The following ADAMTS16 variants were observed in gnomAD, a reference collection of about 807,000 sequenced individuals.
ADAMTS16 encodes the protein ADAM metallopeptidase with thrombospondin type 1 motif 16.
A neutral mutation model predicts 145.8 loss-of-function variants in ADAMTS16; 94 were observed. That is an observed-to-expected ratio of 0.64 (90% CI 0.55 to 0.77). The LOEUF is 0.77. Ranked by LOEUF, ADAMTS16 falls within the 30% of genes least tolerant of loss-of-function variation. The pLI, the probability that ADAMTS16 is intolerant of heterozygous loss-of-function variation, is 0.00. For synonymous variants in ADAMTS16, 659 were observed against 604.3 expected, an observed-to-expected ratio of 1.09 and a Z score of -1.33; for missense variants, 1,585 against 1,591.5, an observed-to-expected ratio of 1.00 and a Z score of 0.07.
At chr5:5,156,039 C>T (rs543574327) in intron 3 of ADAMTS16, among the ~76,000 whole-genome samples, 2 of 152,298 alleles carry the variant, frequency 1.3e-5, no homozygotes, top group African/African-American at 4.8e-5. Context: ...GAGGCGTAGA[C>T]AGTCCGCAGG....
chr5:5,309,529 G>T (rs888925730), intron 21 of ADAMTS16, among the ~76,000 whole-genome samples: 1 of 152,140 alleles, frequency 6.6e-6, no homozygotes, highest in Non-Finnish European at 1.5e-5. Flanking sequence ...CAATGAGCGG[G>T]TCCCGGCAGC....
rs760161948 is a variant in ADAMTS16, at chr5:5,182,122, G to T, written c.580G>T (p.Ala194Ser). Residue 194 changes from alanine (A) to serine (S), a missense_variant, in exon 4 of 23, where the codon GCT becomes TCT. By Grantham distance (99) the Ala-to-Ser change is moderately conservative. Coordinates refer to ENST00000274181, the MANE Select transcript of ADAMTS16 (RefSeq NM_139056.4). ...PSHLSWKLGR[A>S]AQGSSPSHVL... is the part of the protein sequence containing the mutation. ...ACACCTCTCATGGAAACTCGGCAGAGCTGCCCAAGGCAGCTCGCCATCCCA... is the reference window on the plus strand; with the variant it reads ...ACACCTCTCATGGAAACTCGGCAGATCTGCCCAAGGCAGCTCGCCATCCCA... 3.1e-5 allele frequency: 50 copies of T among 1,614,084 alleles called. No homozygotes were observed. The highest frequency in any genetic ancestry group is 4.2e-5 in the Non-Finnish European group (49 of 1,180,028).
chr5:5,212,768 T>C (rs1175433126), intron 10 of ADAMTS16, among the ~76,000 whole-genome samples: 1 of 152,224 alleles, frequency 6.6e-6, no homozygotes, highest in East Asian at 1.9e-4. Flanking sequence ...GCATGTTTAG[T>C]CTATTTATAT....
chr5:5,227,535 G>A (rs865821280), intron 11 of ADAMTS16, among the ~76,000 whole-genome samples: 1 of 115,588 alleles, frequency 8.7e-6, no homozygotes, highest in Non-Finnish European at 1.9e-5. Context: ...GTGTGTGTGT[G>A]TGTGTGTGTG....
At chr5:5,256,820 T>C (rs981323135) in intron 17 of ADAMTS16, among the ~76,000 whole-genome samples, 2 of 152,170 alleles carry the variant, frequency 1.3e-5, no homozygotes, top group Non-Finnish European at 2.9e-5. Flanking sequence ...CCATTATTTA[T>C]AGAATCACAC....
chr5:5,217,795 C>G (rs187372906), intron 10 of ADAMTS16, among the ~76,000 whole-genome samples: 3 of 152,274 alleles, frequency 2.0e-5, no homozygotes, highest in Admixed American at 6.5e-5. Flanking sequence ...AAATACTCTG[C>G]GTAGGTTTTG....
At chr5:5,191,431 G>C (rs1735660875) in intron 7 of ADAMTS16, among the ~76,000 whole-genome samples, 1 of 151,970 alleles carries the variant, frequency 6.6e-6, no homozygotes, top group Non-Finnish European at 1.5e-5. Flanking sequence ...GCCCCAATTA[G>C]AGCCTGCACC....
At chr5:5,274,776 A>G (rs941608114) in intron 18 of ADAMTS16, among the ~76,000 whole-genome samples, 1 of 152,098 alleles carries the variant, frequency 6.6e-6, no homozygotes, top group African/African-American at 2.4e-5. Flanking sequence ...CATCCATATA[A>G]GAAAGGGCAG....
intron 10 of ADAMTS16, among the ~76,000 whole-genome samples, chr5:5,213,230 C>T (rs979470494): frequency 6.6e-6 from 1 of 152,128 alleles, no homozygotes; most frequent in Non-Finnish European, 1.5e-5. Flanking sequence ...TCTATGTTTT[C>T]CTATAGGTCT....
chr5:5,313,411 G>A (rs142885964), intron 21 of ADAMTS16, among the ~76,000 whole-genome samples: 12 of 152,354 alleles, frequency 7.9e-5, no homozygotes, highest in African/African-American at 2.6e-4. Context: ...CACATTTCAT[G>A]GTGCAGGGCA....
intron 21 of ADAMTS16, among the ~76,000 whole-genome samples, chr5:5,307,332 G>C (rs1384809718): frequency 3.3e-5 from 5 of 152,212 alleles, no homozygotes; most frequent in Non-Finnish European, 5.9e-5. Context: ...GTGTGCACTG[G>C]CTTGTGGCTG....
intron 3 of ADAMTS16, among the ~76,000 whole-genome samples, chr5:5,168,826 A>G (rs1181626512): frequency 2.0e-5 from 3 of 148,182 alleles, no homozygotes; most frequent in Non-Finnish European, 4.4e-5. Flanking sequence ...AATTGTTATA[A>G]TCTTCTTTTC....
chr5:5,239,334 T>C (rs1481430002), intron 15 of ADAMTS16, 60 bp downstream of exon 15: 11 of 1,503,862 alleles, frequency 7.3e-6, no homozygotes, highest in African/African-American at 4.2e-5. Flanking sequence ...TGGGGCTTCT[T>C]AGCAGAGCTT....
chr5:5,227,534 TGTGTGTGTGTG>T (rs1387519995), intron 11 of ADAMTS16, among the ~76,000 whole-genome samples: 2 of 151,056 alleles, frequency 1.3e-5, no homozygotes, highest in Non-Finnish European at 2.9e-5. Context: ...TGTGTGTGTG[TGTGTGTGTGTG>T]TGTCTCTACA....
intron 22 of ADAMTS16, 148 bp from the exon 23 acceptor site, chr5:5,318,875 G>A (rs1051664025): frequency 9.4e-5 from 57 of 609,330 alleles, no homozygotes; most frequent in African/African-American, 7.9e-4. Context: ...TAGGTTCCAC[G>A]GGACCCCCAT....
At chr5:5,228,243 T>G (rs1736823748) in intron 11 of ADAMTS16, among the ~76,000 whole-genome samples, 1 of 152,204 alleles carries the variant, frequency 6.6e-6, no homozygotes, top group Admixed American at 6.5e-5. Context: ...AGTATTAGAC[T>G]GTACATTCCA....
chr5:5,261,886 C>T lies in ADAMTS16; in HGVS notation c.2663-771C>T, dbSNP rs1738048311. 3.9e-5 allele frequency among the ~76,000 whole-genome samples: 6 copies of T among 152,168 alleles called. No homozygotes were observed. In the South Asian group the frequency reaches 1.2e-3, roughly 31 times the overall value. On this transcript the variant is annotated intron_variant, in intron 17 of 22. Transcript: ENST00000274181. ...ATCATCTCCAGAACTTTTTCATCTT[C>T]TCAAATGGAAACTTTCTGTCCATTA...
At position 5,140,341 on chromosome 5, in the gene ADAMTS16, C is replaced by T. The variant is rs1407244543; in HGVS notation, c.-127C>T. On this transcript the variant is annotated 5_prime_UTR_variant, in exon 1 of 23. Coordinates refer to ENST00000274181, the MANE Select transcript of ADAMTS16 (RefSeq NM_139056.4). ...CCGCACGGAGCTTCAGTAATAACCC[C>T]GGCGCGGCGGCGGAGTCGCTGTGGG... 1 of 970,186 alleles carries T rather than the reference C, an allele frequency of 1.0e-6. No individual in the cohort carries two copies. Among genetic ancestry groups the T allele is most frequent in the Non-Finnish European group, 1.4e-6 (1 of 708,246 alleles). 60.1% of individuals were successfully genotyped at this position (970,186 alleles called of 1,614,324 possible).
chr5:5,290,294 T>C (rs1034083286), intron 18 of ADAMTS16, among the ~76,000 whole-genome samples: 1 of 152,142 alleles, frequency 6.6e-6, no homozygotes, highest in Non-Finnish European at 1.5e-5. Context: ...ACGAAGTCAG[T>C]GGTCTCACGA....
Sources: gnomAD v4.1 joint callset for allele counts (sites outside exome capture counted in the v4.1 genomes callset) on GRCh38, gnomAD v4.1.1 for gene constraint, MANE v1.5 for transcripts, NCBI Gene and HGNC (gene_info 2026-07-23, HGNC 2026-07-21) for gene names.